The following SMYD3 variants were observed in gnomAD, a reference collection of about 807,000 sequenced individuals.
SMYD3 encodes the protein histone-lysine N-methyltransferase SMYD3.
In SMYD3, 36 loss-of-function variants were observed where a neutral mutation model predicts 57.7. The ratio of observed to expected loss-of-function variants is 0.62; its 90% confidence interval spans 0.48 to 0.82. The LOEUF is 0.82. Among genes scored for constraint, SMYD3 ranks in the 40% least tolerant of loss-of-function variants. The pLI is 0.00. For synonymous variants in SMYD3, 211 were observed against 195.0 expected (o/e 1.08, Z -0.68); for missense variants, 515 against 538.8 (o/e 0.96, Z 0.44).
chr1:246,363,314 G>A (rs1444829799), intron 1 of SMYD3, among the ~76,000 whole-genome samples: 9 of 148,252 alleles, frequency 6.1e-5, no homozygotes, highest in African/African-American at 2.0e-4. Flanking sequence ...TCAGCCCCCC[G>A]CCCGGCCAGC....
At chr1:246,399,581 T>C (rs2066734539) in intron 1 of SMYD3, among the ~76,000 whole-genome samples, 1 of 152,104 alleles carries the variant, frequency 6.6e-6, no homozygotes, top group South Asian at 2.1e-4. Context: ...TGGGCTCAAC[T>C]GATCTGCCCG....
intron 8 of SMYD3, among the ~76,000 whole-genome samples, chr1:245,900,252 A>C (rs371800502): frequency 2.0e-5 from 3 of 152,284 alleles, no homozygotes; most frequent in African/African-American, 7.2e-5. Flanking sequence ...TCTTGCATAA[A>C]GGCTAAAAAG....
chr1:246,307,785 C>G (rs899614319), intron 5 of SMYD3, among the ~76,000 whole-genome samples: 1 of 152,250 alleles, frequency 6.6e-6, no homozygotes, highest in African/African-American at 2.4e-5. Flanking sequence ...AAGTGAGGCT[C>G]ACTAGAACAG....
At chr1:246,103,939 A>G (rs2061069062) in intron 5 of SMYD3, among the ~76,000 whole-genome samples, 1 of 152,168 alleles carries the variant, frequency 6.6e-6, no homozygotes, top group South Asian at 2.1e-4. Context: ...CTCATCCTTG[A>G]AGAAAACCTT....
chr1:246,218,280 G>A (rs1482919761), intron 5 of SMYD3, among the ~76,000 whole-genome samples: 16 of 151,792 alleles, frequency 1.1e-4, no homozygotes, highest in African/African-American at 3.6e-4. Flanking sequence ...TGATTATTTC[G>A]TGGGGTGGAG....
intron 5 of SMYD3, among the ~76,000 whole-genome samples, chr1:246,154,705 T>C (rs2061995351): frequency 6.6e-6 from 1 of 152,190 alleles, no homozygotes; most frequent in Non-Finnish European, 1.5e-5. Flanking sequence ...ACTTAGTTAA[T>C]GTGTTACAAT....
At chr1:245,936,199 T>G (rs1399090234) in intron 5 of SMYD3, among the ~76,000 whole-genome samples, 1 of 152,204 alleles carries the variant, frequency 6.6e-6, no homozygotes, top group East Asian at 1.9e-4. Flanking sequence ...AAAGCAAGGA[T>G]GTTGAAAAAC....
intron 5 of SMYD3, among the ~76,000 whole-genome samples, chr1:246,169,666 G>C (rs967585988): frequency 6.6e-6 from 1 of 151,976 alleles, no homozygotes; most frequent in Non-Finnish European, 1.5e-5. Context: ...CCCAGCATTC[G>C]GCCAAGGCAG....
chr1:245,853,129 T>C (rs1220095394), intron 10 of SMYD3, among the ~76,000 whole-genome samples: 1 of 152,162 alleles, frequency 6.6e-6, no homozygotes, highest in Non-Finnish European at 1.5e-5. Flanking sequence ...AGACAATAAA[T>C]GGCAAACAAC....
intron 1 of SMYD3, among the ~76,000 whole-genome samples, chr1:246,369,526 T>C (rs2066160278): frequency 6.6e-6 from 1 of 152,006 alleles, no homozygotes; most frequent in Admixed American, 6.6e-5. Flanking sequence ...GGATTCATTT[T>C]TCTTTCTTTT....
At chr1:245,926,090 AG>A (rs765354151) in intron 7 of SMYD3, among the ~76,000 whole-genome samples, 1 of 152,208 alleles carries the variant, frequency 6.6e-6, no homozygotes, top group African/African-American at 2.4e-5. Context: ...ATGAGGTGGC[AG>A]CAGGAGTGTC....
At chr1:246,007,531 C>T (rs1051619673) in intron 5 of SMYD3, among the ~76,000 whole-genome samples, 9 of 151,870 alleles carry the variant, frequency 5.9e-5, no homozygotes, top group Admixed American at 1.3e-4. Context: ...AGAAGGAGGC[C>T]GGGCATGGTG....
intron 5 of SMYD3, among the ~76,000 whole-genome samples, chr1:246,155,431 C>T (rs1165125359): frequency 6.6e-6 from 1 of 152,130 alleles, no homozygotes; most frequent in Admixed American, 6.6e-5. Flanking sequence ...TGTAGATATG[C>T]TGATTAAAGA....
intron 10 of SMYD3, among the ~76,000 whole-genome samples, chr1:245,848,938 C>T (rs1331365826): frequency 1.3e-5 from 2 of 151,556 alleles, no homozygotes; most frequent in Admixed American, 1.3e-4. Context: ...GAGGATAGGC[C>T]AGACAGAAAA....
intron 5 of SMYD3, among the ~76,000 whole-genome samples, chr1:246,211,117 G>C (rs901654886): frequency 2.0e-5 from 3 of 151,478 alleles, no homozygotes; most frequent in African/African-American, 7.3e-5. Context: ...TTCTATTATA[G>C]GAAAAAAAAA....
chr1:246,018,832 G>A (rs2059421886), intron 5 of SMYD3, among the ~76,000 whole-genome samples: 1 of 150,076 alleles, frequency 6.7e-6, no homozygotes, highest in South Asian at 2.1e-4. Context: ...TCAAACTCCT[G>A]TGCTCAAGCA....
At chr1:245,754,248 C>A (rs755021702) in intron 11 of SMYD3, among the ~76,000 whole-genome samples, 30 of 151,944 alleles carry the variant, frequency 2.0e-4, no homozygotes, top group Non-Finnish European at 3.8e-4. Flanking sequence ...CAATATACCT[C>A]TCCTATTAAT....
At chr1:245,856,589 T>C (rs2051253145) in intron 10 of SMYD3, among the ~76,000 whole-genome samples, 1 of 151,994 alleles carries the variant, frequency 6.6e-6, no homozygotes, top group Admixed American at 6.6e-5. Flanking sequence ...CTACTTAAGG[T>C]GTAAGTTAGT....
At chr1:246,238,988 C>G (rs2063557624) in intron 5 of SMYD3, among the ~76,000 whole-genome samples, 1 of 150,630 alleles carries the variant, frequency 6.6e-6, no homozygotes, top group African/African-American at 2.4e-5. Flanking sequence ...ATGAGCGTCA[C>G]ACAACGTTTT....
Sources: gnomAD v4.1 joint callset for allele counts (sites outside exome capture counted in the v4.1 genomes callset) on GRCh38, gnomAD v4.1.1 for gene constraint, MANE v1.5 for transcripts, NCBI Gene and HGNC (gene_info 2026-07-23, HGNC 2026-07-21) for gene names.